The following PDE4B variants were observed in gnomAD, a reference collection of about 807,000 sequenced individuals.
PDE4B encodes the protein phosphodiesterase 4B.
A neutral mutation model predicts 82.2 loss-of-function variants in PDE4B; 20 were observed. That is an observed-to-expected ratio of 0.24 (90% CI 0.17 to 0.35). The LOEUF (loss-of-function observed/expected upper bound fraction) is 0.35, where lower values mean the gene tolerates loss of function less well. Among genes scored for constraint, PDE4B ranks in the 10% least tolerant of loss-of-function variants. The probability of loss-of-function intolerance (pLI) is 1.00; values close to 1 mark genes in which losing one functional copy is unlikely to be tolerated. For missense variants in PDE4B, 655 were observed against 907.2 expected, an observed-to-expected ratio of 0.72 and a Z score of 3.57; for synonymous variants, 320 against 318.9, an observed-to-expected ratio of 1.00 and a Z score of -0.04.
intron 1 of PDE4B, among the ~76,000 whole-genome samples, chr1:65,820,218 C>T (rs1645937289): frequency 6.6e-6 from 1 of 152,132 alleles, no homozygotes. Flanking sequence ...TTCAAGTGGG[C>T]TCATTCTCCA....
intron 1 of PDE4B, among the ~76,000 whole-genome samples, chr1:65,821,667 A>G (rs1018925560): frequency 3.3e-5 from 5 of 152,180 alleles, no homozygotes; most frequent in South Asian, 4.1e-4. Flanking sequence ...TCTTTCTACA[A>G]ACAGAAACTC....
chr1:65,806,848 G>A (rs899170055), intron 1 of PDE4B, among the ~76,000 whole-genome samples: 7 of 152,166 alleles, frequency 4.6e-5, no homozygotes, highest in Non-Finnish European at 8.8e-5. Flanking sequence ...GTAAAATACT[G>A]TCAATTGTAG....
intron 7 of PDE4B, among the ~76,000 whole-genome samples, chr1:66,279,652 C>T (rs955298888): frequency 3.3e-5 from 5 of 151,994 alleles, no homozygotes; most frequent in African/African-American, 1.2e-4. Context: ...GGGACTGTGT[C>T]AGTCATGGTC....
chr1:66,102,748 G>C (rs111734027), intron 3 of PDE4B, among the ~76,000 whole-genome samples: 1 of 152,016 alleles, frequency 6.6e-6, no homozygotes, highest in East Asian at 1.9e-4. Flanking sequence ...CAGTTGAAAA[G>C]ACTGAGACTC....
rs1302602283 is a variant in PDE4B, at chr1:66,373,420, G to A, written c.*742G>A. On this transcript the variant is annotated 3_prime_UTR_variant, in exon 17 of 17. Transcript: ENST00000341517. ...AAACAGAATAAAATTGAACAAATTA[G>A]GGGGTAGAAAGGAGCAGTGGTGTCG... 6.6e-6 allele frequency: 1 copy of A among 152,644 alleles called. No individual in the cohort carries two copies. Among genetic ancestry groups the A allele is most frequent in the East Asian group, 1.9e-4 (1 of 5,206 alleles). The allele number at this position is 152,644 out of a possible 1,614,324, so 9.5% of individuals were successfully genotyped here.
intron 3 of PDE4B, among the ~76,000 whole-genome samples, chr1:66,206,550 T>C (rs927871709): frequency 2.6e-5 from 4 of 152,206 alleles, no homozygotes; most frequent in African/African-American, 9.6e-5. Context: ...AAAAAAATTC[T>C]TTGGGTGGGA....
chr1:65,856,198 A>G (rs1284094393), intron 1 of PDE4B, among the ~76,000 whole-genome samples: 1 of 152,104 alleles, frequency 6.6e-6, no homozygotes, highest in Non-Finnish European at 1.5e-5. Flanking sequence ...AGAGTTTTTT[A>G]AATTATTTTA....
chr1:66,144,133 G>T (rs2101158825), intron 3 of PDE4B, among the ~76,000 whole-genome samples: 1 of 152,360 alleles, frequency 6.6e-6, no homozygotes, highest in East Asian at 1.9e-4. Context: ...CCTAAGAATT[G>T]CAAGGAGGGA....
At chr1:66,215,841 ACT>A (rs1650406564) in intron 3 of PDE4B, among the ~76,000 whole-genome samples, 1 of 152,056 alleles carries the variant, frequency 6.6e-6, no homozygotes, top group African/African-American at 2.4e-5. Context: ...ACATCCCCAG[ACT>A]CTGTCCCCAT....
intron 3 of PDE4B, among the ~76,000 whole-genome samples, chr1:66,118,167 T>C (rs936013834): frequency 1.3e-5 from 2 of 152,226 alleles, no homozygotes; most frequent in Admixed American, 6.5e-5. Flanking sequence ...TGTTTGTTTT[T>C]TTCTTGTAAT....
At chr1:66,368,735 C>A in intron 15 of PDE4B, 52 bp from the exon 16 acceptor site, 1 of 1,372,650 alleles carries the variant, frequency 7.3e-7, no homozygotes, top group Non-Finnish European at 9.8e-7. Flanking sequence ...TGAGATGTTC[C>A]GGCAGTATTT....
At chr1:66,133,311 A>G (rs1483599916) in intron 3 of PDE4B, among the ~76,000 whole-genome samples, 1 of 152,220 alleles carries the variant, frequency 6.6e-6, no homozygotes, top group Admixed American at 6.5e-5. Context: ...GGGTATCACC[A>G]TCAAACAAGT....
intron 8 of PDE4B, chr1:66,354,359 T>TA (rs35621019): frequency 1.0e-6 from 1 of 984,724 alleles, no homozygotes; most frequent in South Asian, 4.7e-5. Flanking sequence ...CAGATTTACT[T>TA]AAATATTCAT....
At chr1:66,180,993 A>T (rs973572840) in intron 3 of PDE4B, among the ~76,000 whole-genome samples, 2 of 152,220 alleles carry the variant, frequency 1.3e-5, no homozygotes, top group Non-Finnish European at 2.9e-5. Context: ...TACTGTGCAT[A>T]TGCAGAGTAA....
chr1:66,142,020 G>A (rs1042084302), intron 3 of PDE4B, among the ~76,000 whole-genome samples: 7 of 151,922 alleles, frequency 4.6e-5, no homozygotes, highest in Non-Finnish European at 8.8e-5. Flanking sequence ...ACACATATTT[G>A]TATATGTATT....
chr1:66,173,773 T>C (rs1434341348), intron 3 of PDE4B, among the ~76,000 whole-genome samples: 1 of 152,158 alleles, frequency 6.6e-6, no homozygotes, highest in African/African-American at 2.4e-5. Context: ...TTTGACTTAC[T>C]TGGGTTTTTT....
intron 3 of PDE4B, among the ~76,000 whole-genome samples, chr1:66,219,621 G>A (rs1337304156): frequency 6.6e-6 from 1 of 152,120 alleles, no homozygotes; most frequent in Admixed American, 6.6e-5. Context: ...TTTTAATGAT[G>A]GCTGGGTTGG....
intron 3 of PDE4B, among the ~76,000 whole-genome samples, chr1:66,141,363 T>TATATATATATAC (rs1312933724): frequency 7.4e-6 from 1 of 134,306 alleles, no homozygotes; most frequent in South Asian, 2.3e-4. Flanking sequence ...TATATATATA[T>TATATATATATAC]ATATGAAGAA....
At chr1:65,940,364 G>T (rs1174788201) in intron 3 of PDE4B, among the ~76,000 whole-genome samples, 1 of 152,174 alleles carries the variant, frequency 6.6e-6, no homozygotes, top group African/African-American at 2.4e-5. Flanking sequence ...TTAGATCATC[G>T]AACTGCTTGT....
Sources: gnomAD v4.1 joint callset for allele counts (sites outside exome capture counted in the v4.1 genomes callset) on GRCh38, gnomAD v4.1.1 for gene constraint, MANE v1.5 for transcripts, NCBI Gene and HGNC (gene_info 2026-07-23, HGNC 2026-07-21) for gene names.